Variants in KCNT2 observed in about 807,000 individuals in gnomAD.
KCNT2 encodes the protein potassium channel subfamily T member 2.
KCNT2 carries 67 observed loss-of-function variants against 153.8 expected under a neutral mutation model. The ratio of observed to expected loss-of-function variants is 0.44; its 90% CI spans 0.36 to 0.53. The LOEUF is 0.53. Among genes scored for constraint, KCNT2 ranks in the 20% least tolerant of loss-of-function variants. KCNT2 has a pLI of 0.00. For synonymous variants in KCNT2, 500 were observed against 458.8 expected (o/e 1.09, Z -1.15); for missense variants, 975 against 1,354.8 (o/e 0.72, Z 4.40).
chr1:196,264,517 A>G (rs537773440), intron 25 of KCNT2, among the ~76,000 whole-genome samples: 2 of 152,268 alleles, frequency 1.3e-5, no homozygotes, highest in East Asian at 1.9e-4. Context: ...ACTGCTTTCA[A>G]GTGCCAACAC....
At chr1:196,532,883 G>A (rs1229499979) in intron 1 of KCNT2, among the ~76,000 whole-genome samples, 5 of 151,770 alleles carry the variant, frequency 3.3e-5, no homozygotes, top group Non-Finnish European at 4.4e-5. Flanking sequence ...AAAGGAGCTC[G>A]GGCTGCTAAC....
intron 26 of KCNT2, among the ~76,000 whole-genome samples, chr1:196,252,716 T>G (rs1656088014): frequency 6.6e-6 from 1 of 151,590 alleles, no homozygotes; most frequent in South Asian, 2.1e-4. Flanking sequence ...TGGCATCATT[T>G]TTCTTCTGTT....
At chr1:196,233,040 G>T (rs1441308472) in intron 27 of KCNT2, among the ~76,000 whole-genome samples, 1 of 151,160 alleles carries the variant, frequency 6.6e-6, no homozygotes, top group East Asian at 1.9e-4. Context: ...AAAGAAAAAA[G>T]ACATGTATAA....
chr1:196,279,940 C>T (rs1168624853), intron 25 of KCNT2, among the ~76,000 whole-genome samples: 1 of 151,896 alleles, frequency 6.6e-6, no homozygotes, highest in East Asian at 1.9e-4. Context: ...GTTTAATGAT[C>T]ATAGAAATTA....
chr1:196,300,845 T>A (rs1413154921), intron 22 of KCNT2, among the ~76,000 whole-genome samples: 2 of 152,154 alleles, frequency 1.3e-5, no homozygotes, highest in African/African-American at 4.8e-5. Flanking sequence ...TTCTCCCCTA[T>A]TGGAGCTCAG....
intron 1 of KCNT2, among the ~76,000 whole-genome samples, chr1:196,582,867 T>C (rs1662230373): frequency 6.6e-6 from 1 of 152,042 alleles, no homozygotes; most frequent in Admixed American, 6.6e-5. Flanking sequence ...ATAATACAGA[T>C]TGCATAGGAT....
intron 17 of KCNT2, among the ~76,000 whole-genome samples, chr1:196,331,882 G>A (rs1318367109): frequency 6.6e-6 from 1 of 152,024 alleles, no homozygotes; most frequent in Non-Finnish European, 1.5e-5. Flanking sequence ...CATAGTTTTT[G>A]TTGTAATCAT....
intron 1 of KCNT2, among the ~76,000 whole-genome samples, chr1:196,599,603 C>T (rs914047835): frequency 2.0e-5 from 3 of 152,140 alleles, no homozygotes; most frequent in African/African-American, 7.2e-5. Flanking sequence ...TACTAAAGCA[C>T]TGATTGGAAG....
At chr1:196,586,370 A>C (rs1662678361) in intron 1 of KCNT2, among the ~76,000 whole-genome samples, 1 of 152,118 alleles carries the variant, frequency 6.6e-6, no homozygotes, top group African/African-American at 2.4e-5. Flanking sequence ...TTATTTAAAA[A>C]TCTCATGGGG....
chr1:196,337,654 G>A (rs1044052960), intron 16 of KCNT2, among the ~76,000 whole-genome samples: 1 of 152,048 alleles, frequency 6.6e-6, no homozygotes, highest in Non-Finnish European at 1.5e-5. Flanking sequence ...CTTTGTACCA[G>A]CTGTTATCTC....
intron 23 of KCNT2, among the ~76,000 whole-genome samples, chr1:196,282,625 C>T (rs866752905): frequency 1.6e-4 from 25 of 152,144 alleles, no homozygotes; most frequent in African/African-American, 6.0e-4. Flanking sequence ...TGTTATTAGG[C>T]ATGATAAAAA....
chr1:196,536,221 G>C (rs576776880), intron 1 of KCNT2, among the ~76,000 whole-genome samples: 2 of 152,230 alleles, frequency 1.3e-5, no homozygotes, highest in Non-Finnish European at 2.9e-5. Flanking sequence ...CCCATACCTG[G>C]TGGAGAAAGA....
At chr1:196,348,886 CA>C (rs532250865) in intron 14 of KCNT2, among the ~76,000 whole-genome samples, 6 of 151,224 alleles carry the variant, frequency 4.0e-5, no homozygotes, top group African/African-American at 1.5e-4. Context: ...CAAAACAAAA[CA>C]AAAAAAATGC....
chr1:196,333,750 A>T, intron 17 of KCNT2, 97 bp downstream of exon 17: 1 of 718,542 alleles, frequency 1.4e-6, no homozygotes, highest in Non-Finnish European at 2.4e-6. Flanking sequence ...AGGAAAGATC[A>T]TTAGCTCCTT....
intron 1 of KCNT2, among the ~76,000 whole-genome samples, chr1:196,520,426 A>T (rs1653211204): frequency 1.3e-5 from 2 of 151,756 alleles, no homozygotes; most frequent in African/African-American, 4.8e-5. Context: ...CACCACTCCT[A>T]TTTAACATAA....
At chr1:196,436,679 T>C (rs1674689123) in intron 8 of KCNT2, among the ~76,000 whole-genome samples, 1 of 151,060 alleles carries the variant, frequency 6.6e-6, no homozygotes, top group African/African-American at 2.4e-5. Flanking sequence ...TTAATGAATT[T>C]TGGTGAGTTC....
At chr1:196,343,423 C>CA (rs1171550423) in intron 14 of KCNT2, among the ~76,000 whole-genome samples, 1 of 152,030 alleles carries the variant, frequency 6.6e-6, no homozygotes, top group Non-Finnish European at 1.5e-5. Flanking sequence ...CAAAAAAGCA[C>CA]ATTTTAGAAG....
intron 14 of KCNT2, among the ~76,000 whole-genome samples, chr1:196,364,572 C>T (rs548756697): frequency 3.9e-5 from 6 of 152,160 alleles, no homozygotes; most frequent in Admixed American, 3.3e-4. Context: ...CCTAAAATTC[C>T]CTTAAGCTTA....
At chr1:196,451,653 A>G (rs1676216851) in intron 8 of KCNT2, among the ~76,000 whole-genome samples, 2 of 151,510 alleles carry the variant, frequency 1.3e-5, no homozygotes, top group African/African-American at 4.8e-5. Flanking sequence ...ACATTAATAT[A>G]CTTCTTATAA....
Sources: gnomAD v4.1 joint callset for allele counts (sites outside exome capture counted in the v4.1 genomes callset) on GRCh38, gnomAD v4.1.1 for gene constraint, MANE v1.5 for transcripts, NCBI Gene and HGNC (gene_info 2026-07-23, HGNC 2026-07-21) for gene names.